ACOT12: variants seen among roughly 807,000 people sequenced by gnomAD.
ACOT12 encodes the protein acetyl-coenzyme A thioesterase.
ACOT12 carries 51 observed loss-of-function variants against 67.7 expected under a neutral mutation model. The ratio of observed to expected loss-of-function variants is 0.75; its 90% confidence interval spans 0.60 to 0.95. ACOT12 has a LOEUF of 0.95. Among genes scored for constraint, ACOT12 ranks in the 40% least tolerant of loss-of-function variants. The pLI is 0.00. For synonymous variants in ACOT12, 251 were observed against 244.6 expected (o/e 1.03, Z -0.24); for missense variants, 734 against 708.1 (o/e 1.04, Z -0.41).
intron 5 of ACOT12, among the ~76,000 whole-genome samples, chr5:81,359,124 G>A (rs897921343): frequency 2.0e-5 from 3 of 151,806 alleles, no homozygotes; most frequent in Non-Finnish European, 2.9e-5. Context: ...TCTTCTTCCG[G>A]TGCCTTCCTT....
downstream of ACOT12, among the ~76,000 whole-genome samples, chr5:81,326,373 C>G (rs558345961): frequency 1.3e-5 from 2 of 152,160 alleles, no homozygotes; most frequent in Admixed American, 6.5e-5. Context: ...ATCTGCCCAC[C>G]TCACCCTCCC....
chr5:81,375,944 A>G (rs1270399799), intron 2 of ACOT12, among the ~76,000 whole-genome samples: 2 of 152,232 alleles, frequency 1.3e-5, no homozygotes, highest in Admixed American at 1.3e-4. Context: ...ACAGAAAATT[A>G]ACAAGGATAT....
intron 2 of ACOT12, among the ~76,000 whole-genome samples, chr5:81,379,604 C>A (rs1221414521): frequency 6.6e-6 from 1 of 152,124 alleles, no homozygotes; most frequent in African/African-American, 2.4e-5. Context: ...CAGGAAACGG[C>A]CTTAGAAGGT....
At position 81,345,879 on chromosome 5, in the gene ACOT12, C is replaced by A. The variant is rs1201482995; in HGVS notation, c.773+6G>T. 2 of 1,613,650 alleles carry A rather than the reference C, an allele frequency of 1.2e-6. No individual in the cohort carries two copies. Among genetic ancestry groups the A allele is most frequent in the South Asian group, 2.2e-5 (2 of 91,042 alleles). Reference sequence around the variant, plus strand: ...TTCTTCATAGCAGCCTAAGGGCTCACTTTACCAGGTCTGAAATGTATTGTT... The same window carrying A: ...TTCTTCATAGCAGCCTAAGGGCTCAATTTACCAGGTCTGAAATGTATTGTT... On this transcript the variant is annotated splice_donor_region_variant and intron_variant, in intron 7 of 14. Transcript: ENST00000307624.
intron 1 of ACOT12, among the ~76,000 whole-genome samples, chr5:81,390,978 C>T (rs1760846952): frequency 6.6e-6 from 1 of 152,096 alleles, no homozygotes; most frequent in Admixed American, 6.5e-5. Flanking sequence ...GTGAGTGATC[C>T]ATTGTAGAAA....
At chr5:81,354,643 C>T (rs13154467) in intron 5 of ACOT12, among the ~76,000 whole-genome samples, 63,208 of 151,828 alleles carry the variant, frequency 0.42, 13,418 homozygotes, top group African/African-American at 0.44. Flanking sequence ...AGATTTGACA[C>T]GAATTATCTC....
chr5:81,352,649 A>G (rs1323481407), intron 5 of ACOT12, among the ~76,000 whole-genome samples: 2 of 152,154 alleles, frequency 1.3e-5, no homozygotes, highest in Non-Finnish European at 2.9e-5. Flanking sequence ...GTACAAAAAT[A>G]TAGTTAGAAA....
chr5:81,392,185 A>T (rs1323952050), intron 1 of ACOT12, among the ~76,000 whole-genome samples: 1 of 152,174 alleles, frequency 6.6e-6, no homozygotes, highest in Non-Finnish European at 1.5e-5. Context: ...GGGGGCCATG[A>T]CTGGGATTGC....
At chr5:81,355,372 T>C (rs760276599) in intron 5 of ACOT12, among the ~76,000 whole-genome samples, 11 of 152,324 alleles carry the variant, frequency 7.2e-5, no homozygotes, top group Middle Eastern at 3.4e-3. Context: ...GTTACAGTAC[T>C]ATTCAGCATA....
At chr5:81,317,488 C>T in the ACOT12 span, among the ~76,000 whole-genome samples, 3 of 141,482 alleles carry the variant, frequency 2.1e-5, no homozygotes, top group East Asian at 4.1e-4. Context: ...GGCAAGAAAG[C>T]GAGACTCCAT....
the ACOT12 span, among the ~76,000 whole-genome samples, chr5:81,324,742 G>GAA: frequency 6.6e-6 from 1 of 152,158 alleles, no homozygotes; most frequent in East Asian, 1.9e-4. Context: ...GTCAAGAAGA[G>GAA]AAAATGTTGC....
At chr5:81,358,855 A>C (rs1410114364) in intron 5 of ACOT12, among the ~76,000 whole-genome samples, 1 of 100,184 alleles carries the variant, frequency 1.0e-5, no homozygotes, top group East Asian at 2.1e-4. Context: ...GTCTCAAAGA[A>C]AAAAAAAAAA....
intron 5 of ACOT12, among the ~76,000 whole-genome samples, chr5:81,354,964 T>C (rs1251007121): frequency 6.6e-6 from 1 of 152,180 alleles, no homozygotes; most frequent in East Asian, 1.9e-4. Context: ...AGTGCTGAGA[T>C]TATAGGCATA....
At chr5:81,366,612 T>G (rs1378738262) in intron 3 of ACOT12, among the ~76,000 whole-genome samples, 1 of 152,128 alleles carries the variant, frequency 6.6e-6, no homozygotes, top group Non-Finnish European at 1.5e-5. Context: ...ACAAAAAATT[T>G]TTATTCATAA....
At chr5:81,390,232 G>A (rs1328858535) in intron 1 of ACOT12, among the ~76,000 whole-genome samples, 1 of 151,260 alleles carries the variant, frequency 6.6e-6, no homozygotes, top group Non-Finnish European at 1.5e-5. Context: ...AAAGTGCTAG[G>A]ATTATAGGCA....
chr5:81,365,149 A>G (rs114934790), intron 3 of ACOT12, among the ~76,000 whole-genome samples: 3,212 of 152,252 alleles, frequency 0.021, 123 homozygotes, highest in African/African-American at 0.073. Flanking sequence ...TGGCTAATAA[A>G]CCTTTTCCCT....
chr5:81,331,982 A>T (rs1224874093), intron 13 of ACOT12, among the ~76,000 whole-genome samples: 1 of 152,216 alleles, frequency 6.6e-6, no homozygotes, highest in African/African-American at 2.4e-5. Context: ...ATCTGTTAAT[A>T]CTCATATGTG....
chr5:81,347,634 T>C, intron 6 of ACOT12, 140 bp downstream of exon 6: 2 of 909,444 alleles, frequency 2.2e-6, no homozygotes, highest in East Asian at 2.6e-5. Context: ...AAGTAAATGA[T>C]TTAGAAATCA....
At chr5:81,331,381 T>G (rs1758821183) in intron 13 of ACOT12, among the ~76,000 whole-genome samples, 1 of 152,142 alleles carries the variant, frequency 6.6e-6, no homozygotes, top group Non-Finnish European at 1.5e-5. Flanking sequence ...CTACTAAAAA[T>G]ATAAAATTAG....
Sources: gnomAD v4.1 joint callset for allele counts (sites outside exome capture counted in the v4.1 genomes callset) on GRCh38, gnomAD v4.1.1 for gene constraint, MANE v1.5 for transcripts, NCBI Gene and HGNC (gene_info 2026-07-23, HGNC 2026-07-21) for gene names.